The following OR4F16 variants were observed in gnomAD, a reference collection of about 807,000 sequenced individuals.
OR4F16 encodes olfactory receptor 4F3/4F16/4F29.
At chr1:702,008 A>C in the OR4F16 span, 1 of 148,478 alleles carries the variant, frequency 6.7e-6, no homozygotes, top group African/African-American at 2.5e-5. Flanking sequence ...ACTGATGAGG[A>C]AAATGAGGCA....
chr1:702,307 A>C, the OR4F16 span: 1 of 144,800 alleles, frequency 6.9e-6, no homozygotes, highest in South Asian at 2.3e-4. Context: ...AAATCACGCC[A>C]TTGCACTCCA....
chr1:680,565 TC>T, the OR4F16 span, among the ~76,000 whole-genome samples: 2 of 51,802 alleles, frequency 3.9e-5, no homozygotes, highest in African/African-American at 1.5e-4. Context: ...GAGTGAACTC[TC>T]CCATTCACAA....
At chr1:717,639 C>CT in the OR4F16 span, among the ~76,000 whole-genome samples, 1 of 21,410 alleles carries the variant, frequency 4.7e-5, no homozygotes, top group East Asian at 9.8e-4. Context: ...TGTAACTCTG[C>CT]TTTTTATTTT....
At chr1:676,846 G>C in the OR4F16 span, among the ~76,000 whole-genome samples, 6 of 119,074 alleles carry the variant, frequency 5.0e-5, 1 homozygote, top group East Asian at 1.3e-3. Flanking sequence ...AGATCTCCCT[G>C]CACAGTATTC....
At chr1:690,074 G>A (rs1245516769), upstream of OR4F16, among the ~76,000 whole-genome samples, 4 of 126,080 alleles carry the variant, frequency 3.2e-5, no homozygotes, top group African/African-American at 9.9e-5. Context: ...GGAGAGAAAG[G>A]GCAGTTGCTT....
At chr1:711,941 G>T in the OR4F16 span, 1 of 86,644 alleles carries the variant, frequency 1.2e-5, no homozygotes, top group Non-Finnish European at 2.2e-5. Flanking sequence ...AAATTAAGAG[G>T]AAAATCACAT....
At chr1:713,485 TTATA>T in the OR4F16 span, among the ~76,000 whole-genome samples, 1 of 139,176 alleles carries the variant, frequency 7.2e-6, no homozygotes, top group Non-Finnish European at 1.5e-5. Context: ...ATTCTTTTGT[TTATA>T]TAGTCAATCT....
At chr1:679,597 C>CAAAT in the OR4F16 span, among the ~76,000 whole-genome samples, 1 of 9,076 alleles carries the variant, frequency 1.1e-4, no homozygotes, top group Non-Finnish European at 2.7e-4. Flanking sequence ...CACCTCTACA[C>CAAAT]AAACTAGAAA....
the OR4F16 span, among the ~76,000 whole-genome samples, chr1:701,656 GC>G: frequency 6.7e-6 from 1 of 149,964 alleles, no homozygotes; most frequent in South Asian, 2.1e-4. Context: ...ATTATCCTTA[GC>G]AAACTAATGC....
chr1:715,534 A>AT, the OR4F16 span, among the ~76,000 whole-genome samples: 3 of 67,364 alleles, frequency 4.5e-5, no homozygotes, highest in African/African-American at 6.9e-5. Context: ...TAACCAATAG[A>AT]TTTTTTTAAA....
At chr1:690,242 C>G, upstream of OR4F16, among the ~76,000 whole-genome samples, 1 of 99,940 alleles carries the variant, frequency 1.0e-5, no homozygotes, top group Non-Finnish European at 1.8e-5. Flanking sequence ...ATATACTAAT[C>G]AAGAGAAACA....
the OR4F16 span, among the ~76,000 whole-genome samples, chr1:701,283 C>T: frequency 6.7e-6 from 1 of 149,146 alleles, no homozygotes; most frequent in African/African-American, 2.5e-5. Flanking sequence ...TCAGTGGAGG[C>T]TGAGGAAAAC....
the OR4F16 span, among the ~76,000 whole-genome samples, chr1:701,257 TA>T: frequency 8.8e-5 from 13 of 147,866 alleles, 1 homozygote; most frequent in Admixed American, 5.5e-4. Flanking sequence ...GCTTTAAGGA[TA>T]ATGAGAAAAA....
downstream of OR4F16, among the ~76,000 whole-genome samples, chr1:681,085 C>CT (rs1328862488): frequency 4.1e-5 from 1 of 24,276 alleles, no homozygotes; most frequent in East Asian, 1.1e-3. Context: ...AAACGATTCC[C>CT]TTTTTAATAA....
chr1:677,321 A>G, the OR4F16 span, among the ~76,000 whole-genome samples: 1 of 115,882 alleles, frequency 8.6e-6, no homozygotes, highest in Non-Finnish European at 1.6e-5. Context: ...CCTCCAAAGG[A>G]TCACAACTCC....
At chr1:701,276 G>A in the OR4F16 span, among the ~76,000 whole-genome samples, 8 of 149,182 alleles carry the variant, frequency 5.4e-5, 1 homozygote, top group Admixed American at 5.4e-4. Flanking sequence ...AAAATCATCA[G>A]TGGAGGCTGA....
the OR4F16 span, among the ~76,000 whole-genome samples, chr1:692,833 G>C: frequency 5.4e-5 from 7 of 129,184 alleles, no homozygotes; most frequent in East Asian, 1.5e-3. Context: ...GACAATGGTA[G>C]GTCCATTTTT....
At chr1:711,333 G>GA in the OR4F16 span, among the ~76,000 whole-genome samples, 14 of 132,102 alleles carry the variant, frequency 1.1e-4, no homozygotes, top group East Asian at 2.4e-4. Context: ...ACCATAATAA[G>GA]AAAAAAAAGA....
chr1:690,039 G>T (rs71281411), upstream of OR4F16, among the ~76,000 whole-genome samples: 66 of 127,706 alleles, frequency 5.2e-4, no homozygotes, highest in South Asian at 8.4e-4. Flanking sequence ...GCTACGGACT[G>T]TGACATTGGG....
Sources: allele counts gnomAD v4.1 joint callset (sites outside exome capture counted in the v4.1 genomes callset), GRCh38; gene constraint gnomAD v4.1.1; transcripts MANE v1.5; gene names NCBI Gene and HGNC (gene_info 2026-07-23, HGNC 2026-07-21).